MAPK8IP3: variants seen among roughly 807,000 people sequenced by gnomAD.
The protein encoded by MAPK8IP3 is mitogen-activated protein kinase 8 interacting protein 3.
MAPK8IP3 carries 49 observed loss-of-function variants against 157.8 expected under a neutral mutation model. The ratio of observed to expected loss-of-function variants is 0.31; its 90% CI spans 0.25 to 0.39. The LOEUF is 0.39. Ranked by LOEUF, MAPK8IP3 falls within the 10% of genes least tolerant of loss-of-function variation. The pLI is 1.00. For synonymous variants in MAPK8IP3, 897 were observed against 777.7 expected, an observed-to-expected ratio of 1.15 and a Z score of -2.55; for missense variants, 1,478 against 1,889.4, an observed-to-expected ratio of 0.78 and a Z score of 4.04.
In MAPK8IP3 at chr16:1,706,286, G is replaced by C; in HGVS notation, c.-54G>C. 1 of 1,469,718 alleles carries C rather than the reference G, an allele frequency of 6.8e-7. No individual in the cohort carries two copies. Among genetic ancestry groups the C allele is most frequent in the Non-Finnish European group, 9.0e-7 (1 of 1,107,476 alleles). The allele number at this position is 1,469,718 out of a possible 1,614,324, so 91.0% of individuals were successfully genotyped here. A position where few individuals can be genotyped will look rare whatever the true frequency, so the allele number is the denominator to read the frequency against. Reference sequence around the variant, plus strand: ...CTGCGGAACCTGAGGCAGCTGGGGAGGGCCGGGCGCGCCGGCCGGATAGCG... The same window carrying C: ...CTGCGGAACCTGAGGCAGCTGGGGACGGCCGGGCGCGCCGGCCGGATAGCG... On this transcript the variant is annotated 5_prime_UTR_variant, in exon 1 of 32. Transcript: ENST00000610761. The surrounding 1 kb of genome is among the most constrained non-coding windows in gnomAD (Gnocchi z 5.1).
chr16:1,752,752 A>T (rs2041366223), intron 8 of MAPK8IP3, among the ~76,000 whole-genome samples: 3 of 85,418 alleles, frequency 3.5e-5, no homozygotes, highest in African/African-American at 1.6e-4. Flanking sequence ...CTGTCTCTTA[A>T]AAAAAAAAAA....
chr16:1,757,395 C>T (rs1205119887), intron 8 of MAPK8IP3, among the ~76,000 whole-genome samples: 3 of 152,184 alleles, frequency 2.0e-5, no homozygotes, highest in Non-Finnish European at 4.4e-5. Flanking sequence ...TGAGCCACCA[C>T]GCCCTGCTCA....
Position 1,760,056 on chromosome 16 carries a change from C to G in MAPK8IP3, c.1304+41C>G, listed in dbSNP as rs374393126. ...TCCTGTGTGGTGGGGCTGAGGCAGC[C>G]CTCCTTGTCAGGGCTGGGAGAGTGA... On this transcript the variant is annotated intron_variant, in intron 11 of 31. Coordinates refer to ENST00000610761, the MANE Select transcript of MAPK8IP3 (RefSeq NM_001318852.2). 22 of 1,610,124 alleles carry G rather than the reference C, an allele frequency of 1.4e-5. No individual in the cohort carries two copies. The African/African-American group carries it at 2.9e-4, about 21-fold the overall frequency.
At chr16:1,725,893 T>C (rs1278166019) in intron 2 of MAPK8IP3, among the ~76,000 whole-genome samples, 1 of 152,078 alleles carries the variant, frequency 6.6e-6, no homozygotes, top group Non-Finnish European at 1.5e-5. Context: ...GAGATGGGGT[T>C]TCACTGTGTT....
chr16:1,723,200 A>AT (rs2038649120), intron 1 of MAPK8IP3, among the ~76,000 whole-genome samples: 1 of 151,202 alleles, frequency 6.6e-6, no homozygotes, highest in Non-Finnish European at 1.5e-5. Flanking sequence ...CACCCGGCTA[A>AT]TTTTTGTATT....
intron 4 of MAPK8IP3, among the ~76,000 whole-genome samples, chr16:1,739,531 CGTGTGACCATCCGTGTGAGCATCT>C (rs1281581990): frequency 1.1e-5 from 1 of 93,916 alleles, no homozygotes; most frequent in Non-Finnish European, 2.0e-5. Context: ...TGTGAGCTTC[CGTGTGACCATCCGTGTGAGCATCT>C]GTGTGACCGT....
intron 11 of MAPK8IP3, 146 bp from the exon 12 acceptor site, chr16:1,760,234 A>G (rs2041857214): frequency 2.7e-6 from 3 of 1,116,382 alleles, no homozygotes; most frequent in Non-Finnish European, 3.9e-6. Context: ...GGGTTTAGCT[A>G]AGATGGGGAT....
At chr16:1,757,731 G>A (rs1012819146) in intron 8 of MAPK8IP3, among the ~76,000 whole-genome samples, 1 of 152,190 alleles carries the variant, frequency 6.6e-6, no homozygotes, top group Non-Finnish European at 1.5e-5. Context: ...CGTCTGCGGT[G>A]TCTCCCTCGC....
At chr16:1,714,712 T>A (rs1021681831) in intron 1 of MAPK8IP3, among the ~76,000 whole-genome samples, 12 of 152,280 alleles carry the variant, frequency 7.9e-5, no homozygotes, top group African/African-American at 2.9e-4. Flanking sequence ...CTTGCACACG[T>A]GTGTCTCTAT....
intron 8 of MAPK8IP3, among the ~76,000 whole-genome samples, chr16:1,755,079 GA>G (rs1486570457): frequency 3.9e-5 from 6 of 152,224 alleles, no homozygotes; most frequent in Non-Finnish European, 8.8e-5. Flanking sequence ...TGTGGGGAGA[GA>G]AAAAGCTTGC....
At chr16:1,720,100 A>G (rs1036843348) in intron 1 of MAPK8IP3, among the ~76,000 whole-genome samples, 1 of 152,152 alleles carries the variant, frequency 6.6e-6, no homozygotes, top group African/African-American at 2.4e-5. Flanking sequence ...CTGGAGTGCA[A>G]TGGCGCAATC....
intron 1 of MAPK8IP3, among the ~76,000 whole-genome samples, chr16:1,709,970 G>A (rs2037663129): frequency 6.6e-6 from 1 of 151,774 alleles, no homozygotes; most frequent in Admixed American, 6.6e-5. Flanking sequence ...AAGCCCAGAT[G>A]GTGATGTTTG....
At chr16:1,720,799 C>T (rs1027854029) in intron 1 of MAPK8IP3, among the ~76,000 whole-genome samples, 4 of 152,184 alleles carry the variant, frequency 2.6e-5, no homozygotes, top group African/African-American at 9.7e-5. Context: ...CTTTGGGAGG[C>T]AGAAGCAGGC....
rs1464170882 is a variant in MAPK8IP3, at chr16:1,767,273, C to T, written c.3213C>T (p.Ile1071=). The change falls in exon 26 of 32, where the codon ATC becomes ATT. Residue 1071 remains isoleucine (I), a synonymous_variant. Coordinates refer to ENST00000610761, the MANE Select transcript of MAPK8IP3 (RefSeq NM_001318852.2). ...GCTACAAGAACAAGGTGCACGTCAT[C>T]CAGCCCAAGACCATGCAGATAGAGG... ...WCGYKNKVHV[I]QPKTMQIEKS... The T allele has an allele frequency of 6.2e-7, 1 of 1,613,268 alleles. No individual in the cohort carries two copies. Among genetic ancestry groups the T allele is most frequent in the Admixed American group, 1.7e-5 (1 of 60,030 alleles).
intron 2 of MAPK8IP3, among the ~76,000 whole-genome samples, chr16:1,728,560 AGG>A (rs533929245): frequency 8.5e-4 from 124 of 145,374 alleles, no homozygotes; most frequent in African/African-American, 3.2e-3. Flanking sequence ...CCCATGGCAC[AGG>A]GCACACACAG....
chr16:1,765,445 C>T (rs1251088613), intron 20 of MAPK8IP3, among the ~76,000 whole-genome samples: 1 of 152,204 alleles, frequency 6.6e-6, no homozygotes, highest in Non-Finnish European at 1.5e-5. Context: ...TGGGCACGGC[C>T]TGCAGCTTGA....
In MAPK8IP3 at chr16:1,755,888, C is replaced by T. The variant is rs2041568972; in HGVS notation, c.1217-2260C>T. On this transcript the variant is annotated intron_variant, in intron 8 of 31. Transcript: ENST00000610761. ...AAAAAAGGAAAAGGAAGTTTATAGG[C>T]TATACCAATAAACATCTGAAAAGAT... 4.0e-5 allele frequency among the ~76,000 whole-genome samples: 6 copies of T among 149,324 alleles called. No homozygotes were observed. In the South Asian group the frequency reaches 1.3e-3, roughly 31 times the overall value.
intron 5 of MAPK8IP3, chr16:1,744,087 A>C: frequency 2.0e-6 from 2 of 987,480 alleles, no homozygotes; most frequent in Non-Finnish European, 1.2e-6. Context: ...CCAGCCGGTG[A>C]GTGCACCTCA....
intron 3 of MAPK8IP3, 120 bp from the exon 4 acceptor site, chr16:1,729,367 C>A: frequency 8.0e-7 from 1 of 1,252,576 alleles, no homozygotes; most frequent in Non-Finnish European, 1.1e-6. Flanking sequence ...GGTTAGATTC[C>A]CCTCCAGGAC....
Sources: gnomAD v4.1 joint callset for allele counts (sites outside exome capture counted in the v4.1 genomes callset) on GRCh38, gnomAD v4.1.1 for gene constraint, Gnocchi (gnomAD v3.1) non-coding constraint, MANE v1.5 for transcripts, NCBI Gene and HGNC (gene_info 2026-07-23, HGNC 2026-07-21) for gene names.